Variants in PRKD1 observed in about 807,000 individuals in gnomAD.
The protein encoded by PRKD1 is serine/threonine-protein kinase D1.
A neutral mutation model predicts 95.9 loss-of-function variants in PRKD1; 63 were observed. The ratio of observed to expected loss-of-function variants is 0.66; its 90% confidence interval spans 0.54 to 0.81. The LOEUF (loss-of-function observed/expected upper bound fraction) is 0.81, where lower values mean the gene tolerates loss of function less well. Ranked by LOEUF, PRKD1 falls within the 30% of genes least tolerant of loss-of-function variation. The probability of loss-of-function intolerance (pLI) is 0.00; values close to 1 mark genes in which losing one functional copy is unlikely to be tolerated. For synonymous variants in PRKD1, 425 were observed against 423.1 expected, an observed-to-expected ratio of 1.00 and a Z score of -0.05; for missense variants, 1,048 against 1,165.3, an observed-to-expected ratio of 0.90 and a Z score of 1.47.
chr14:29,873,602 T>C (rs1212341820), intron 1 of PRKD1, among the ~76,000 whole-genome samples: 1 of 152,160 alleles, frequency 6.6e-6, no homozygotes, highest in Non-Finnish European at 1.5e-5. Flanking sequence ...TAGCTTTCAG[T>C]GCAAAAGGTC....
At chr14:29,711,057 T>C (rs1244461790) in intron 2 of PRKD1, among the ~76,000 whole-genome samples, 3 of 151,804 alleles carry the variant, frequency 2.0e-5, no homozygotes, top group African/African-American at 4.8e-5. Flanking sequence ...CCAACCAGAG[T>C]AGAGATTTAT....
chr14:29,921,799 C>A (rs1361024965), intron 1 of PRKD1, among the ~76,000 whole-genome samples: 1 of 152,096 alleles, frequency 6.6e-6, no homozygotes, highest in Non-Finnish European at 1.5e-5. Flanking sequence ...TAACCCCCAC[C>A]ACCACCACCA....
chr14:29,657,499 C>T (rs1048424281), intron 4 of PRKD1: 9 of 152,268 alleles, frequency 5.9e-5, no homozygotes, highest in Admixed American at 2.0e-4. Flanking sequence ...GCAGCTAACC[C>T]ATCTTGTCAG....
intron 1 of PRKD1, among the ~76,000 whole-genome samples, chr14:29,913,927 C>T (rs1285946274): frequency 6.6e-6 from 1 of 152,140 alleles, no homozygotes; most frequent in Non-Finnish European, 1.5e-5. Flanking sequence ...CAAGATACTA[C>T]CAGTAACTCG....
rs45502692 is a variant in PRKD1 at position 29,684,632 on chromosome 14, G to A, written c.404-18424C>T. On this transcript the variant is annotated intron_variant, in intron 2 of 17. Transcript: ENST00000331968. ...AATTGCACTGAGGGTTAATCAGGCA[G>A]AAATGTCCCCAGCTATATGTGTTTA... 2.1e-3 allele frequency among the ~76,000 whole-genome samples: 327 copies of A among 152,282 alleles called. 2 individuals carry two copies. Among genetic ancestry groups the A allele is most frequent in the Non-Finnish European group, 3.9e-3 (264 of 68,016 alleles).
chr14:29,768,277 C>T (rs1055081650), intron 1 of PRKD1, among the ~76,000 whole-genome samples: 1 of 152,186 alleles, frequency 6.6e-6, no homozygotes, highest in Non-Finnish European at 1.5e-5. Flanking sequence ...TCACCAAACA[C>T]ATAAAGTTCC....
chr14:29,809,792 A>G (rs1472148174), intron 1 of PRKD1, among the ~76,000 whole-genome samples: 1 of 152,170 alleles, frequency 6.6e-6, no homozygotes, highest in Admixed American at 6.5e-5. Flanking sequence ...TTTTCTTATC[A>G]TTTGTGTGTT....
Position 29,708,805 on chromosome 14 carries a change from G to A in PRKD1, c.403+16731C>T, listed in dbSNP as rs554529894. Among the ~76,000 whole-genome samples the A allele has an allele frequency of 3.9e-5, 6 of 152,272 alleles. No homozygotes were observed. In the South Asian group the frequency reaches 1.2e-3, roughly 32 times the overall value. ...TTGAGACCAGGAGGTAGAGGCTACA[G>A]TGAGCAATGTTCACACCACTGCACT... On this transcript the variant is annotated intron_variant, in intron 2 of 17. Coordinates refer to ENST00000331968, the MANE Select transcript of PRKD1 (RefSeq NM_002742.3).
intron 2 of PRKD1, among the ~76,000 whole-genome samples, chr14:29,669,324 T>C (rs780312374): frequency 1.3e-5 from 2 of 152,224 alleles, no homozygotes; most frequent in Admixed American, 1.3e-4. Flanking sequence ...TAATGATGCA[T>C]AGGTGAGCTA....
At chr14:29,750,836 T>C (rs928516353) in intron 1 of PRKD1, among the ~76,000 whole-genome samples, 2 of 152,184 alleles carry the variant, frequency 1.3e-5, no homozygotes, top group African/African-American at 4.8e-5. Context: ...TCTGCAGTAC[T>C]TTTGGGCCAG....
In PRKD1 at chr14:29,666,125, A is replaced by G; in HGVS notation, c.487T>C (p.Cys163Arg). The G allele has an allele frequency of 6.2e-7, 1 of 1,606,582 alleles. No individual in the cohort carries two copies. Among genetic ancestry groups the G allele is most frequent in the Non-Finnish European group, 8.5e-7 (1 of 1,174,892 alleles). ...ACCAGCCCCCACAGCATTTCTCCAC[A>G]GTGATCACAGAAAGCTGGAGCTCTG... Reference protein sequence around the residue: ...SYRAPAFCDHCGEMLWGLVRQ... With the variant: ...SYRAPAFCDHRGEMLWGLVRQ... The change falls in exon 3 of 18, where the codon TGT (cysteine) becomes CGT (arginine). Residue 163 changes from cysteine (C) to arginine (R), a missense_variant. Cys to Arg is a radical substitution (Grantham distance 180, BLOSUM62 -3). Around this residue, in one of 3 missense-constraint regions of PRKD1, gnomAD observed 275 missense variants for 248.6 expected, o/e 1.11. Coordinates refer to ENST00000331968, the MANE Select transcript of PRKD1 (RefSeq NM_002742.3).
At chr14:29,781,563 C>T (rs1309724099) in intron 1 of PRKD1, among the ~76,000 whole-genome samples, 4 of 152,174 alleles carry the variant, frequency 2.6e-5, no homozygotes, top group East Asian at 1.9e-4. Flanking sequence ...AAAATTTATC[C>T]GGCCTGAGCC....
At chr14:29,822,118 C>T (rs1389977898) in intron 1 of PRKD1, among the ~76,000 whole-genome samples, 2 of 152,126 alleles carry the variant, frequency 1.3e-5, no homozygotes, top group Non-Finnish European at 2.9e-5. Flanking sequence ...CCCAGATCTT[C>T]AATGTTTTTG....
At chr14:29,609,499 TGTGC>T (rs1878273317) in intron 13 of PRKD1, among the ~76,000 whole-genome samples, 1 of 94,658 alleles carries the variant, frequency 1.1e-5, no homozygotes, top group Admixed American at 1.3e-4. Context: ...TTTGTGTGTG[TGTGC>T]GTGCACACAC....
At chr14:29,686,977 T>C (rs1203415767) in intron 2 of PRKD1, among the ~76,000 whole-genome samples, 1 of 138,692 alleles carries the variant, frequency 7.2e-6, no homozygotes. Flanking sequence ...AAGCTCAGTC[T>C]GTTTTACTTC....
At chr14:29,663,281 G>C (rs1240234227) in intron 4 of PRKD1, among the ~76,000 whole-genome samples, 1 of 151,420 alleles carries the variant, frequency 6.6e-6, no homozygotes, top group Non-Finnish European at 1.5e-5. Context: ...AAGCAATAAA[G>C]ACTTTCATGG....
intron 1 of PRKD1, among the ~76,000 whole-genome samples, chr14:29,864,649 G>C (rs1239430664): frequency 6.6e-6 from 1 of 152,162 alleles, no homozygotes; most frequent in Non-Finnish European, 1.5e-5. Flanking sequence ...ATGTGAGTAT[G>C]AGTGAGAGTG....
At chr14:29,626,754 G>A (rs1464255880) in intron 11 of PRKD1, among the ~76,000 whole-genome samples, 198 bp from the exon 12 acceptor site, 1 of 139,212 alleles carries the variant, frequency 7.2e-6, no homozygotes, top group Non-Finnish European at 1.5e-5. Flanking sequence ...TCGCTCTGTT[G>A]CCCAGGCTGG....
intron 12 of PRKD1, among the ~76,000 whole-genome samples, chr14:29,625,543 T>A (rs1225137178): frequency 1.3e-5 from 2 of 151,384 alleles, no homozygotes; most frequent in Non-Finnish European, 2.9e-5. Context: ...TCTACCATAA[T>A]TTTTTTTTGC....
Sources: allele counts gnomAD v4.1 joint callset (sites outside exome capture counted in the v4.1 genomes callset), GRCh38; gene constraint gnomAD v4.1.1; regional missense constraint gnomAD v4.1.1; transcripts MANE v1.5; gene names NCBI Gene and HGNC (gene_info 2026-07-23, HGNC 2026-07-21).